USP45: variants seen among roughly 807,000 people sequenced by gnomAD.
USP45 encodes the protein ubiquitin specific peptidase 45.
A neutral mutation model predicts 95.8 loss-of-function variants in USP45; 89 were observed. That is an observed-to-expected ratio of 0.93 (90% CI 0.78 to 1.11). The LOEUF (loss-of-function observed/expected upper bound fraction) is 1.11, where lower values mean the gene tolerates loss of function less well. USP45 is among the 50% of genes least tolerant of loss of function. The probability of loss-of-function intolerance (pLI) is 0.00; values close to 1 mark genes in which losing one functional copy is unlikely to be tolerated. For missense variants in USP45, 898 were observed against 942.5 expected, an observed-to-expected ratio of 0.95 and a Z score of 0.62; for synonymous variants, 281 against 316.2, an observed-to-expected ratio of 0.89 and a Z score of 1.18.
intron 13 of USP45, among the ~76,000 whole-genome samples, chr6:99,451,626 A>G (rs1485212513): frequency 6.6e-6 from 1 of 152,220 alleles, no homozygotes. Flanking sequence ...TATAGATTCA[A>G]TGCCATCCCC....
intron 9 of USP45, among the ~76,000 whole-genome samples, chr6:99,468,957 CTAAAA>C (rs1170538100): frequency 1.3e-5 from 2 of 152,214 alleles, no homozygotes; most frequent in African/African-American, 4.8e-5. Context: ...CTCCCTCTCT[CTAAAA>C]TGACACTTCT....
At chr6:99,446,488 GAA>G in intron 13 of USP45, 25 bp from the exon 14 acceptor site, 1 of 762,422 alleles carries the variant, frequency 1.3e-6, no homozygotes, top group Non-Finnish European at 1.7e-6. Flanking sequence ...TGTTTTCAAA[GAA>G]AAGAGTCTTG....
At chr6:99,505,658 A>C (rs911124785) in intron 4 of USP45, among the ~76,000 whole-genome samples, 1 of 151,938 alleles carries the variant, frequency 6.6e-6, no homozygotes, top group South Asian at 2.1e-4. Flanking sequence ...AAAAAAAAAA[A>C]AACATAATGC....
rs1227383369 is a variant in USP45, at chr6:99,432,571, C to T, written c.*3145G>A. On this transcript the variant is annotated 3_prime_UTR_variant, in exon 18 of 18. Coordinates refer to ENST00000500704, the MANE Select transcript of USP45 (RefSeq NM_001346022.3). ...AAAACAGTAGGAATAATATGTATTACTCAAAATTGAAAATATGGTCATCTT... is the reference window on the plus strand; with the variant it reads ...AAAACAGTAGGAATAATATGTATTATTCAAAATTGAAAATATGGTCATCTT... 1 of 135,940 alleles carries T rather than the reference C, an allele frequency of 7.4e-6. No homozygotes were observed. The highest frequency in any genetic ancestry group is 1.6e-5 in the Non-Finnish European group (1 of 63,758). 8.4% of individuals were successfully genotyped at this position (135,940 alleles called of 1,614,324 possible). A position where few individuals can be genotyped will look rare whatever the true frequency, so the allele number is the denominator to read the frequency against.
chr6:99,437,130 TAAAG>T (rs1459809682), intron 17 of USP45, 112 bp downstream of exon 17: 11 of 962,082 alleles, frequency 1.1e-5, no homozygotes, highest in African/African-American at 6.7e-5. Context: ...TAAGTTAAAA[TAAAG>T]CAAGCAAGCA....
At position 99,514,567 on chromosome 6, in the gene USP45, C is replaced by A. The variant is rs374215060; in HGVS notation, c.-11+825G>T. ...AATAAACTTTACAGTTTTCAAGTCA[C>A]CATCACTTAACACTTGTCTTTTCTC... On this transcript the variant is annotated intron_variant, in intron 1 of 17. Coordinates refer to ENST00000500704, the MANE Select transcript of USP45 (RefSeq NM_001346022.3). 6.7e-4 allele frequency among the ~76,000 whole-genome samples: 102 copies of A among 152,304 alleles called. 1 individual carries two copies. Among genetic ancestry groups the A allele is most frequent in the African/African-American group, 2.3e-3 (97 of 41,554 alleles).
At chr6:99,442,485 G>A (rs1297870520) in intron 15 of USP45, among the ~76,000 whole-genome samples, 1 of 152,164 alleles carries the variant, frequency 6.6e-6, no homozygotes, top group Non-Finnish European at 1.5e-5. Flanking sequence ...ACTATCAATA[G>A]TTTTCCTTGA....
upstream of USP45, among the ~76,000 whole-genome samples, chr6:99,517,350 T>G (rs549510635): frequency 9.8e-5 from 15 of 152,306 alleles, no homozygotes; most frequent in Middle Eastern, 3.4e-3. Flanking sequence ...TTTACCATCA[T>G]GTTCTGTTTG....
At chr6:99,501,868 C>T (rs145664548) in intron 5 of USP45, 255 of 1,226,010 alleles carry the variant, frequency 2.1e-4, no homozygotes, top group Middle Eastern at 1.9e-3. Context: ...TCTAAATCCT[C>T]GGAATTTCCA....
intron 9 of USP45, among the ~76,000 whole-genome samples, chr6:99,470,646 C>A (rs976205808): frequency 1.4e-4 from 22 of 152,118 alleles, no homozygotes; most frequent in African/African-American, 5.3e-4. Context: ...GAAATAATCT[C>A]CAATTCAGAC....
chr6:99,499,335 AATGTTTCACG>A (rs1796932753), intron 5 of USP45, among the ~76,000 whole-genome samples: 1 of 152,210 alleles, frequency 6.6e-6, no homozygotes, highest in Non-Finnish European at 1.5e-5. Context: ...GTGTTTTCAC[AATGTTTCACG>A]ATTACCATTT....
chr6:99,436,942 A>C (rs1780597649), intron 17 of USP45, among the ~76,000 whole-genome samples: 1 of 152,186 alleles, frequency 6.6e-6, no homozygotes, highest in Non-Finnish European at 1.5e-5. Flanking sequence ...TCTACTAAAA[A>C]TATAAAAAAT....
chr6:99,479,648 T>A (rs1791869412), intron 8 of USP45, among the ~76,000 whole-genome samples: 3 of 149,328 alleles, frequency 2.0e-5, no homozygotes, highest in African/African-American at 4.9e-5. Flanking sequence ...AAAGCATTTT[T>A]AAAAAATCCA....
chr6:99,460,865 A>G lies in USP45; in HGVS notation c.1308+3739T>C, dbSNP rs920871818. 1.0e-5 allele frequency: 10 copies of G among 975,442 alleles called. 1 individual carries two copies. Among genetic ancestry groups the G allele is most frequent in the Middle Eastern group, 1.1e-3 (2 of 1,892 alleles). 60.4% of individuals were successfully genotyped at this position (975,442 alleles called of 1,614,324 possible). On this transcript the variant is annotated intron_variant, in intron 13 of 17. Transcript: ENST00000500704. ...AACAGAGGAAATAAGATGGAACACA[A>G]AAATTATTCAATTAAAACCAAAAGT...
intron 13 of USP45, among the ~76,000 whole-genome samples, chr6:99,450,310 G>A (rs1210159118): frequency 2.6e-5 from 4 of 152,040 alleles, no homozygotes; most frequent in African/African-American, 9.7e-5. Context: ...GAAGAAAAGA[G>A]AGAAGAATCA....
At chr6:99,487,759 C>T (rs1323974692) in intron 7 of USP45, among the ~76,000 whole-genome samples, 1 of 151,900 alleles carries the variant, frequency 6.6e-6, no homozygotes, top group Non-Finnish European at 1.5e-5. Flanking sequence ...CGCGCCACTG[C>T]ACTCCAGCCT....
rs1035652558 is a variant in USP45, at chr6:99,487,719, C to T, written c.714+481G>A. ...CTGAGGTAGGAGAATGGCATAAACC[C>T]GGGAGGCGGAGCTTGCAGTGAGCTG... On this transcript the variant is annotated intron_variant, in intron 7 of 17. Coordinates refer to ENST00000500704, the MANE Select transcript of USP45 (RefSeq NM_001346022.3). 1.4e-4 allele frequency among the ~76,000 whole-genome samples: 21 copies of T among 151,668 alleles called. 1 individual carries two copies. The highest frequency in any genetic ancestry group is 1.1e-3 in the Admixed American group (17 of 15,246).
At chr6:99,498,283 C>T (rs1443025153) in intron 5 of USP45, among the ~76,000 whole-genome samples, 1 of 152,146 alleles carries the variant, frequency 6.6e-6, no homozygotes, top group African/African-American at 2.4e-5. Flanking sequence ...AAGTGCAAAG[C>T]TTATCTATCT....
chr6:99,489,672 C>T (rs1794737963), intron 5 of USP45, among the ~76,000 whole-genome samples: 1 of 152,026 alleles, frequency 6.6e-6, no homozygotes, highest in South Asian at 2.1e-4. Context: ...TTAGGCTGGC[C>T]ACGGTGCCTC....
Sources: allele counts gnomAD v4.1 joint callset (sites outside exome capture counted in the v4.1 genomes callset), GRCh38; gene constraint gnomAD v4.1.1; transcripts MANE v1.5; gene names NCBI Gene and HGNC (gene_info 2026-07-23, HGNC 2026-07-21).